XKR5: variants seen among roughly 807,000 people sequenced by gnomAD.
XKR5 encodes the protein XK-related protein 5.
XKR5 carries 46 observed loss-of-function variants against 40.8 expected under a neutral mutation model. The ratio of observed to expected loss-of-function variants is 1.13; its 90% CI spans 0.89 to 1.44. The LOEUF is 1.44. Among genes scored for constraint, XKR5 ranks in the 40% most tolerant of loss-of-function variants. The pLI is 0.00. For missense variants in XKR5, 1,169 were observed against 844.7 expected (o/e 1.38, Z -4.76); for synonymous variants, 466 against 356.1 (o/e 1.31, Z -3.48).
rs544646201 is a variant in XKR5, at chr8:6,812,025, G to C, written c.1234C>G (p.Leu412Val). Residue 412 changes from leucine (L) to valine (V), a missense_variant, in exon 7 of 7, where the codon CTA becomes GTA. Physicochemically the swap from Leu to Val is conservative, Grantham distance 32 (BLOSUM62 1). Coordinates refer to ENST00000618742, the MANE Select transcript of XKR5 (RefSeq NM_207411.5). ...ATCTTAGACACATTTCCTGTTTTTA[G>C]GGCAAGTTTCACCCACAGCCAGTGG... ...HHHWLWVKLA[L>V]KTGNVSKINA... is the part of the protein sequence containing the mutation. 2.0e-6 allele frequency: 3 copies of C among 1,537,626 alleles called. No homozygotes were observed. Among genetic ancestry groups the C allele is most frequent in the East Asian group, 2.4e-5 (1 of 40,918 alleles).
chr8:6,825,972 A>T (rs932337119), intron 2 of XKR5, among the ~76,000 whole-genome samples: 1 of 152,096 alleles, frequency 6.6e-6, no homozygotes, highest in African/African-American at 2.4e-5. Context: ...AGGGCCCTGA[A>T]CTTCAGGCTA....
At chr8:6,818,811 G>A (rs1328257478) in intron 5 of XKR5, among the ~76,000 whole-genome samples, 2 of 152,186 alleles carry the variant, frequency 1.3e-5, no homozygotes, top group African/African-American at 4.8e-5. Context: ...CCCAGCCCCT[G>A]CCAGACCGTT....
chr8:6,811,912 C>G lies in XKR5; in HGVS notation c.1347G>C (p.Leu449Phe), dbSNP rs1401193502. 2.6e-6 allele frequency: 4 copies of G among 1,537,410 alleles called. No individual in the cohort carries two copies. Among genetic ancestry groups the G allele is most frequent in the East Asian group, 4.9e-5 (2 of 40,920 alleles). The change falls in exon 7 of 7, where the codon TTG becomes TTC. Residue 449 changes from leucine to phenylalanine, a missense_variant. Physicochemically the swap from Leu to Phe is conservative, Grantham distance 22. Coordinates refer to ENST00000618742, the MANE Select transcript of XKR5 (RefSeq NM_207411.5). ...AGGATGGGAGCTCTTGCTGGGCAGA[C>G]AAGGCCTTTCTCTGCAGGTAGTCCT... ...SQQDYLQRKA[L>F]SAQQELPSSS...
chr8:6,817,280 C>G (rs1179905957), intron 5 of XKR5, among the ~76,000 whole-genome samples: 1 of 152,192 alleles, frequency 6.6e-6, no homozygotes, highest in African/African-American at 2.4e-5. Flanking sequence ...CTTCAGGATC[C>G]AGTCCCTACT....
At chr8:6,813,234 G>T (rs1307179932) in intron 6 of XKR5, among the ~76,000 whole-genome samples, 1 of 152,186 alleles carries the variant, frequency 6.6e-6, no homozygotes, top group Non-Finnish European at 1.5e-5. Flanking sequence ...CTTGGAAAGG[G>T]AGGTGGACTT....
chr8:6,811,353 G>C lies in XKR5; in HGVS notation c.1906C>G (p.Leu636Val), dbSNP rs1288696900. ...ACACCAACAGCTGCATGGTGACTTA[G>C]CTCCCTTTTGGGCTCCAGCGGCTCC... ...LEEPLEPKRE[L>V]SHHAAVGVWV... Residue 636 changes from leucine to valine, a missense_variant, in exon 7 of 7, where the codon CTA (leucine) becomes GTA (valine). Transcript: ENST00000618742. The C allele has an allele frequency of 4.6e-6, 7 of 1,537,276 alleles. No individual in the cohort carries two copies. Among genetic ancestry groups the C allele is most frequent in the Non-Finnish European group, 5.2e-6 (6 of 1,146,948 alleles).
At chr8:6,827,116 T>A (rs1026090288) in intron 2 of XKR5, among the ~76,000 whole-genome samples, 3 of 151,948 alleles carry the variant, frequency 2.0e-5, no homozygotes, top group African/African-American at 7.3e-5. Context: ...ACGAAGCCAC[T>A]CCCCACCACA....
intron 2 of XKR5, among the ~76,000 whole-genome samples, chr8:6,831,730 CT>C (rs1804772600): frequency 6.6e-6 from 1 of 152,026 alleles, no homozygotes; most frequent in South Asian, 2.1e-4. Context: ...AAAAAAAATC[CT>C]GTGGCCAGGT....
In XKR5 at chr8:6,815,973, A is replaced by G. The variant is rs897131632; in HGVS notation, c.808-55T>C. ...CTCGTCAGGTGCACACTGCCTAGGGACCCCCGTCCCGTGAGTCTGCAGCGG... is the reference window on the plus strand; with the variant it reads ...CTCGTCAGGTGCACACTGCCTAGGGGCCCCCGTCCCGTGAGTCTGCAGCGG... On this transcript the variant is annotated intron_variant, in intron 5 of 6. Transcript: ENST00000618742. 4 of 1,385,112 alleles carry G rather than the reference A, an allele frequency of 2.9e-6. No individual in the cohort carries two copies. The African/African-American group carries it at 5.7e-5, about 20-fold the overall frequency. The allele number at this position is 1,385,112 out of a possible 1,614,324, so 85.8% of individuals were successfully genotyped here.
At chr8:6,826,925 G>A (rs1328292797) in intron 2 of XKR5, among the ~76,000 whole-genome samples, 1 of 152,150 alleles carries the variant, frequency 6.6e-6, no homozygotes, top group Admixed American at 6.5e-5. Context: ...AGCCTGGGTG[G>A]TCCTCCGAGG....
chr8:6,835,030 G>C (rs1047406061), intron 1 of XKR5, among the ~76,000 whole-genome samples: 2 of 152,190 alleles, frequency 1.3e-5, no homozygotes, highest in Admixed American at 6.5e-5. Flanking sequence ...GGCGCCCCCA[G>C]ACTTGCGCTC....
intron 6 of XKR5, 129 bp from the exon 7 acceptor site, chr8:6,812,468 T>A: frequency 1.1e-6 from 1 of 936,254 alleles, no homozygotes. Context: ...AGGACTCTTG[T>A]TGGAGCCTCA....
chr8:6,825,156 G>A lies in XKR5; in HGVS notation c.427+9C>T, dbSNP rs748323887. On this transcript the variant is annotated intron_variant, in intron 3 of 6. Coordinates refer to ENST00000618742, the MANE Select transcript of XKR5 (RefSeq NM_207411.5). ...AGACAGTCTGTGCTCTGTGGTGACA[G>A]TTACTCACCTGGCACAATATCTGTG... 1.8e-5 allele frequency: 29 copies of A among 1,613,330 alleles called. No individual in the cohort carries two copies. Among genetic ancestry groups the A allele is most frequent in the Non-Finnish European group, 2.3e-5 (27 of 1,179,652 alleles).
At chr8:6,826,208 G>A (rs564137593) in intron 2 of XKR5, among the ~76,000 whole-genome samples, 16 of 152,210 alleles carry the variant, frequency 1.1e-4, no homozygotes, top group Admixed American at 2.6e-4. Flanking sequence ...ATATGCATAT[G>A]TATATAGGCA....
chr8:6,832,796 G>C lies in XKR5; in HGVS notation c.163C>G (p.Leu55Val), dbSNP rs371019526. 3.7e-6 allele frequency: 6 copies of C among 1,612,964 alleles called. No individual in the cohort carries two copies. The African/African-American group carries it at 4.0e-5, about 11-fold the overall frequency. Residue 55 changes from leucine (L) to valine (V), a missense_variant, in exon 2 of 7, where the codon CTG becomes GTG. Coordinates refer to ENST00000618742, the MANE Select transcript of XKR5 (RefSeq NM_207411.5). ...PGFLVQALSY[L>V]WFRADGHPGH... is the part of the protein sequence containing the mutation. ...GGATGCCCGTCTGCTCGGAACCACA[G>C]GTAGCTCAGGGCCTGGACCAAGAAC...
chr8:6,819,040 C>T (rs545671230), intron 5 of XKR5, among the ~76,000 whole-genome samples: 2 of 152,322 alleles, frequency 1.3e-5, no homozygotes, highest in East Asian at 3.9e-4. Context: ...AGCTCTGTCT[C>T]AGAAAAACAA....
chr8:6,810,514 C>G lies in XKR5; in HGVS notation c.*684G>C, dbSNP rs973699316. 3.9e-5 allele frequency: 6 copies of G among 152,230 alleles called. No individual in the cohort carries two copies. Among genetic ancestry groups the G allele is most frequent in the Non-Finnish European group, 7.3e-5 (5 of 68,064 alleles). 9.4% of individuals were successfully genotyped at this position (152,230 alleles called of 1,614,324 possible). ...TTCACAGAAAAATACATTTATGCAG[C>G]TGGCCAGGAGGATGCTGATGGTCTG... On this transcript the variant is annotated 3_prime_UTR_variant, in exon 7 of 7. Coordinates refer to ENST00000618742, the MANE Select transcript of XKR5 (RefSeq NM_207411.5).
intron 1 of XKR5, among the ~76,000 whole-genome samples, chr8:6,833,307 C>T (rs962509553): frequency 6.6e-6 from 1 of 152,246 alleles, no homozygotes; most frequent in Non-Finnish European, 1.5e-5. Flanking sequence ...TCAACTTCCC[C>T]TGGTTCCTGT....
rs1297898781 is a variant in XKR5 at position 6,809,530 on chromosome 8, C to A, written c.*1668G>T. The A allele has an allele frequency of 6.6e-6, 1 of 152,146 alleles. No individual in the cohort carries two copies. The highest frequency in any genetic ancestry group is 2.4e-5 in the African/African-American group (1 of 41,410). The allele number at this position is 152,146 out of a possible 1,614,324, so 9.4% of individuals were successfully genotyped here. On this transcript the variant is annotated 3_prime_UTR_variant, in exon 7 of 7. Coordinates refer to ENST00000618742, the MANE Select transcript of XKR5 (RefSeq NM_207411.5). ...TCTCGAACTTCTGGCCTCAAGTGAT[C>A]TTCCCGCCTCAGCCTCTCAAAGTGC...
Sources: allele counts gnomAD v4.1 joint callset (sites outside exome capture counted in the v4.1 genomes callset), GRCh38; gene constraint gnomAD v4.1.1; transcripts MANE v1.5; gene names NCBI Gene and HGNC (gene_info 2026-07-23, HGNC 2026-07-21).